The following FAT1 variants were observed in gnomAD, a reference collection of about 807,000 sequenced individuals.
FAT1 encodes the protein FAT atypical cadherin 1.
Under a neutral mutation model 329.8 loss-of-function variants are expected in FAT1, and 171 were observed. The ratio of observed to expected loss-of-function variants is 0.52; its 90% CI spans 0.46 to 0.59. FAT1 has a LOEUF of 0.59. Ranked by LOEUF, FAT1 falls within the 20% of genes least tolerant of loss-of-function variation. The probability of loss-of-function intolerance (pLI) is 0.00; values close to 1 mark genes in which losing one functional copy is unlikely to be tolerated. For synonymous variants in FAT1, 2,233 were observed against 2,228.6 expected (o/e 1.00, Z -0.06); for missense variants, 5,672 against 5,774.4 (o/e 0.98, Z 0.57).
intron 2 of FAT1, among the ~76,000 whole-genome samples, chr4:186,669,734 A>T (rs913501295): frequency 1.3e-5 from 2 of 152,220 alleles, no homozygotes; most frequent in Admixed American, 1.3e-4. Context: ...GATAGTTGAA[A>T]ATAGAGCTCA....
chr4:186,681,965 TA>T (rs1743229392), intron 2 of FAT1, among the ~76,000 whole-genome samples: 1 of 152,210 alleles, frequency 6.6e-6, no homozygotes, highest in South Asian at 2.1e-4. Flanking sequence ...TACGGATCTA[TA>T]AGTAAAGACT....
chr4:186,653,257 G>A (rs1414178622), intron 3 of FAT1, among the ~76,000 whole-genome samples: 1 of 152,112 alleles, frequency 6.6e-6, no homozygotes, highest in African/African-American at 2.4e-5. Context: ...CAAAATCTAG[G>A]AAAATTTATC....
In FAT1 at chr4:186,688,653, GCCC is replaced by G. The variant is rs55901943; in HGVS notation, c.3265+17907_3265+17909del. Among the ~76,000 whole-genome samples, 10 of 122,256 alleles carry G rather than the reference GCCC, an allele frequency of 8.2e-5. No homozygotes were observed. In the East Asian group the frequency reaches 9.8e-4, roughly 12 times the overall value. 80.2% of individuals were successfully genotyped at this position (122,256 alleles called of 152,430 possible). Reference sequence around the variant, plus strand: ...TTCACCCAGCAAGAGTACCCCCCCCGCCCCCCCCCAAAAAAACACACACCCTTC... The same window carrying G: ...TTCACCCAGCAAGAGTACCCCCCCCGCCCCCCAAAAAAACACACACCCTTC... On this transcript the variant is annotated intron_variant, in intron 2 of 26. Coordinates refer to ENST00000441802, the MANE Select transcript of FAT1 (RefSeq NM_005245.4).
intron 7 of FAT1, among the ~76,000 whole-genome samples, chr4:186,630,323 G>A (rs775339990): frequency 7.2e-5 from 11 of 152,162 alleles, no homozygotes; most frequent in Non-Finnish European, 1.6e-4. Flanking sequence ...AGGAAGGGCT[G>A]CGTCAACGAC....
At chr4:186,699,912 G>A (rs1356638429) in intron 2 of FAT1, among the ~76,000 whole-genome samples, 1 of 152,094 alleles carries the variant, frequency 6.6e-6, no homozygotes, top group Non-Finnish European at 1.5e-5. Flanking sequence ...TAGGTAATAC[G>A]GAAAGAACAG....
At chr4:186,711,869 G>A (rs1027549054) in intron 1 of FAT1, among the ~76,000 whole-genome samples, 6 of 152,140 alleles carry the variant, frequency 3.9e-5, no homozygotes, top group Admixed American at 6.5e-5. Flanking sequence ...GCAGTGAGCC[G>A]AGATCGCGCC....
At chr4:186,724,776 G>A (rs542909559), upstream of FAT1, among the ~76,000 whole-genome samples, 1 of 152,360 alleles carries the variant, frequency 6.6e-6, no homozygotes, top group Admixed American at 6.5e-5. The surrounding 1 kb of genome is among the most constrained non-coding windows in gnomAD (Gnocchi z 5.3). Context: ...GCGCTGGGAC[G>A]CAGCCCGGAC....
Position 186,640,012 on chromosome 4 carries a change from T to C in FAT1, c.3581-229A>G, listed in dbSNP as rs142329805. ...AGCCAGGCATGGTGGCGCGTGACTG[T>C]AATCCCAGCTAATTGGGAGGCTGAG... is the stretch of plus-strand genomic sequence containing the variant. On this transcript the variant is annotated intron_variant, in intron 3 of 26. Transcript: ENST00000441802. Among the ~76,000 whole-genome samples, 198 of 152,268 alleles carry C rather than the reference T, an allele frequency of 1.3e-3. 1 individual carries two copies. Among genetic ancestry groups the C allele is most frequent in the African/African-American group, 4.5e-3 (189 of 41,554 alleles).
chr4:186,643,788 T>TCCCCCCCCCCCCCCCCCCCCCCCCCCA (rs111521404), intron 3 of FAT1, among the ~76,000 whole-genome samples: 1 of 131,108 alleles, frequency 7.6e-6, no homozygotes, highest in Non-Finnish European at 1.6e-5. Context: ...CTGCTCCTCA[T>TCCCCCCCCCCCCCCCCCCCCCCCCCCA]CCCCCCCCCA....
rs376313044 is a variant in FAT1 at position 186,602,884 on chromosome 4, C to T, written c.11482+19G>A. ...CCGATTTTTAAAAATAAAAGTATAC[C>T]CAACCATTCAACTCTCACCTGGGCA... On this transcript the variant is annotated intron_variant, in intron 20 of 26. Transcript: ENST00000441802. 2.7e-5 allele frequency: 43 copies of T among 1,596,606 alleles called. No homozygotes were observed. The African/African-American group carries it at 5.3e-4, about 20-fold the overall frequency.
Position 186,617,836 on chromosome 4 carries a change from C to T in FAT1, c.8750G>A (p.Arg2917Gln), listed in dbSNP as rs755244994. 27 of 1,613,720 alleles carry T rather than the reference C, an allele frequency of 1.7e-5. No individual in the cohort carries two copies. The highest frequency in any genetic ancestry group is 5.3e-5 in the African/African-American group (4 of 74,882). ...TVTDVNDSPP[R>Q]FTAEIYKGTV... Reference sequence around the variant, plus strand: ...CCCTTTATAGATCTCGGCCGTGAATCGTGGTGGACTATCGTTGACATCGGT... The same window carrying T: ...CCCTTTATAGATCTCGGCCGTGAATTGTGGTGGACTATCGTTGACATCGGT... Residue 2917 changes from arginine to glutamine, a missense_variant, in exon 10 of 27, where the codon CGA (arginine) becomes CAA (glutamine). This residue lies in a region of FAT1 where 3,966 missense variants were observed against 3,915.2 expected (regional missense o/e 1.01). Transcript: ENST00000441802.
chr4:186,628,412 A>G (rs1201608125), intron 8 of FAT1, 48 bp from the exon 9 acceptor site: 2 of 1,609,436 alleles, frequency 1.2e-6, no homozygotes, highest in South Asian at 1.1e-5. Context: ...TTTCCTTATA[A>G]CTAATTAAAA....
In FAT1 at chr4:186,658,834, GC is replaced by G. The variant is rs1485691351; in HGVS notation, c.3580+4464del. ...TCCCACTTCCACCGGACCCGTGAGG[GC>G]CCCTGCCACGCCTCCACCGGACCCG... is the stretch of plus-strand genomic sequence containing the variant. On this transcript the variant is annotated intron_variant, in intron 3 of 26. Coordinates refer to ENST00000441802, the MANE Select transcript of FAT1 (RefSeq NM_005245.4). Among the ~76,000 whole-genome samples the G allele has an allele frequency of 2.6e-5, 4 of 151,932 alleles. No individual in the cohort carries two copies. The East Asian group carries it at 7.8e-4, about 29-fold the overall frequency.
chr4:186,704,943 CTTTT>C (rs575252840), intron 2 of FAT1, among the ~76,000 whole-genome samples: 5 of 120,648 alleles, frequency 4.1e-5, no homozygotes, highest in East Asian at 2.4e-4. Flanking sequence ...TCCAAAATAA[CTTTT>C]TTTTTTTTTT....
chr4:186,674,255 G>A (rs1431430136), intron 2 of FAT1, among the ~76,000 whole-genome samples: 10 of 152,126 alleles, frequency 6.6e-5, no homozygotes, highest in East Asian at 1.9e-4. Flanking sequence ...TATTTACTCC[G>A]TAATAAAGTA....
chr4:186,717,066 G>A (rs1196033346), intron 1 of FAT1, among the ~76,000 whole-genome samples: 13 of 151,944 alleles, frequency 8.6e-5, no homozygotes, highest in Non-Finnish European at 1.5e-4. Flanking sequence ...CGCACCCAGC[G>A]TAAATGGCTT....
intron 2 of FAT1, among the ~76,000 whole-genome samples, chr4:186,698,310 T>G (rs1207475629): frequency 2.0e-5 from 3 of 152,112 alleles, no homozygotes; most frequent in Admixed American, 1.3e-4. Flanking sequence ...AAAGGCTACC[T>G]GGCTTGAAGG....
intron 2 of FAT1, among the ~76,000 whole-genome samples, chr4:186,671,637 T>C (rs1038713116): frequency 1.6e-4 from 24 of 151,686 alleles, no homozygotes; most frequent in African/African-American, 5.6e-4. Context: ...AGGTGGAGGT[T>C]GCGGTGAGCC....
At chr4:186,646,306 A>G (rs1741381997) in intron 3 of FAT1, among the ~76,000 whole-genome samples, 1 of 152,148 alleles carries the variant, frequency 6.6e-6, no homozygotes, top group Non-Finnish European at 1.5e-5. Flanking sequence ...TACTCTGATT[A>G]TTTTCCTCTA....
Sources: gnomAD v4.1 joint callset for allele counts (sites outside exome capture counted in the v4.1 genomes callset) on GRCh38, gnomAD v4.1.1 for gene constraint, gnomAD v4.1.1 regional missense constraint, Gnocchi (gnomAD v3.1) non-coding constraint, MANE v1.5 for transcripts, NCBI Gene and HGNC (gene_info 2026-07-23, HGNC 2026-07-21) for gene names.